Variants in RYR3 observed in about 807,000 individuals in gnomAD.
RYR3 encodes the protein ryanodine receptor 3, also known as brain ryanodine receptor-calcium release channel.
Under a neutral mutation model 584.3 loss-of-function variants are expected in RYR3, and 207 were observed. The observed-to-expected ratio is 0.35, with a 90% CI of 0.32 to 0.40. The LOEUF (loss-of-function observed/expected upper bound fraction) is 0.40. RYR3 is among the 10% of genes least tolerant of loss of function. The pLI is 1.00. For synonymous variants in RYR3, 2,416 were observed against 2,248.5 expected, an observed-to-expected ratio of 1.07 and a Z score of -2.11; for missense variants, 5,616 against 6,089.2, an observed-to-expected ratio of 0.92 and a Z score of 2.59.
At chr15:33,664,589 G>GTGTATGTATATATATATA (rs577496539) in intron 36 of RYR3, among the ~76,000 whole-genome samples, 2 of 91,354 alleles carry the variant, frequency 2.2e-5, no homozygotes, top group African/African-American at 8.8e-5. Context: ...GTGTGTGTGT[G>GTGTATGTATATATATATA]TATATATATA....
At chr15:33,645,531 T>C (rs1475085163) in intron 28 of RYR3, among the ~76,000 whole-genome samples, 2 of 152,162 alleles carry the variant, frequency 1.3e-5, no homozygotes, top group Non-Finnish European at 2.9e-5. Flanking sequence ...ACCGTTACTT[T>C]AGAAAAGTGA....
intron 96 of RYR3, 55 bp downstream of exon 96, chr15:33,853,737 CTT>C: frequency 1.3e-6 from 2 of 1,570,900 alleles, no homozygotes; most frequent in Non-Finnish European, 1.7e-6. Context: ...TAGATCTTTG[CTT>C]TTCCATAGGA....
At chr15:33,806,723 C>T (rs116673690) in intron 69 of RYR3, among the ~76,000 whole-genome samples, 2,874 of 151,514 alleles carry the variant, frequency 0.019, 106 homozygotes, top group African/African-American at 0.066. Flanking sequence ...TTGGATATTC[C>T]TAGAGTACTT....
intron 93 of RYR3, among the ~76,000 whole-genome samples, chr15:33,845,976 C>A (rs536760723): frequency 6.6e-6 from 1 of 152,196 alleles, no homozygotes; most frequent in Non-Finnish European, 1.5e-5. Flanking sequence ...CAGCCATCTG[C>A]GAGCTCAGCT....
intron 36 of RYR3, 102 bp from the exon 37 acceptor site, chr15:33,669,252 A>T (rs118116960): frequency 5.0e-5 from 40 of 795,720 alleles, no homozygotes; most frequent in Non-Finnish European, 7.3e-5. Flanking sequence ...TCACTAAGTA[A>T]AATAAATTTG....
In RYR3 at chr15:33,439,793, T is replaced by C. The variant is rs192044544; in HGVS notation, c.52-33626T>C. 2.2e-3 allele frequency among the ~76,000 whole-genome samples: 328 copies of C among 152,316 alleles called. 1 individual carries two copies. Among genetic ancestry groups the C allele is most frequent in the African/African-American group, 7.6e-3 (317 of 41,582 alleles). ...CATATGAAGTACTTAGCTCATTGAC[T>C]AACATATGGCAAATATACACAAAAA... On this transcript the variant is annotated intron_variant, in intron 1 of 103. Transcript: ENST00000634891.
chr15:33,459,508 G>A (rs992176970), intron 1 of RYR3, among the ~76,000 whole-genome samples: 2 of 152,134 alleles, frequency 1.3e-5, no homozygotes, highest in Admixed American at 1.3e-4. Flanking sequence ...TAAGACTGGT[G>A]TAAGAGCACA....
chr15:33,841,760 A>AC, intron 90 of RYR3, 104 bp from the exon 91 acceptor site: 3 of 1,162,156 alleles, frequency 2.6e-6, no homozygotes, highest in Non-Finnish European at 3.6e-6. Flanking sequence ...GAATGATTCT[A>AC]CCTCCCGGCC....
chr15:33,788,586 TCTC>T lies in RYR3; in HGVS notation c.9830+131_9830+133del, dbSNP rs368367200. On this transcript the variant is annotated intron_variant, in intron 67 of 103. Coordinates refer to ENST00000634891, the MANE Select transcript of RYR3 (RefSeq NM_001036.6). ...AGGAGGCGATAGCCGCCCCCACCAT[TCTC>T]CTTCCCAACACCAATGGTTCCTGCT... The T allele has an allele frequency of 1.1e-3, 1,074 of 1,021,722 alleles. 6 individuals carry two copies. In the African/African-American group the frequency reaches 0.015, roughly 15 times the overall value. 63.3% of individuals were successfully genotyped at this position (1,021,722 alleles called of 1,614,324 possible).
chr15:33,376,886 C>G (rs1350240075), intron 1 of RYR3, among the ~76,000 whole-genome samples: 1 of 152,194 alleles, frequency 6.6e-6, no homozygotes, highest in Non-Finnish European at 1.5e-5. Flanking sequence ...TTTTTCCTAT[C>G]TTTATTGAAT....
intron 94 of RYR3, chr15:33,850,084 A>C (rs527980826): frequency 1.3e-5 from 2 of 152,344 alleles, no homozygotes; most frequent in South Asian, 2.1e-4. Context: ...CCCAGTAAGA[A>C]GGCAGTTCAA....
At chr15:33,702,990 C>T (rs1488104857) in intron 42 of RYR3, among the ~76,000 whole-genome samples, 5 of 152,048 alleles carry the variant, frequency 3.3e-5, no homozygotes, top group African/African-American at 7.2e-5. Context: ...CTTGATTAAA[C>T]GATTGTGGCA....
intron 1 of RYR3, among the ~76,000 whole-genome samples, chr15:33,439,806 A>G (rs1007782710): frequency 2.6e-5 from 4 of 152,230 alleles, no homozygotes; most frequent in Non-Finnish European, 1.5e-5. Context: ...CATATGGCAA[A>G]TATACACAAA....
intron 48 of RYR3, among the ~76,000 whole-genome samples, chr15:33,734,951 G>A (rs1432368899): frequency 1.3e-5 from 2 of 151,810 alleles, no homozygotes; most frequent in Non-Finnish European, 1.5e-5. Context: ...TTGATCTCTC[G>A]AAGTGCTGAG....
chr15:33,349,057 T>C (rs989912291), intron 1 of RYR3, among the ~76,000 whole-genome samples: 2 of 151,718 alleles, frequency 1.3e-5, no homozygotes, highest in African/African-American at 4.8e-5. Flanking sequence ...TGCTTAGCAA[T>C]ATGCACTTAA....
At chr15:33,558,871 G>C (rs1016061294) in intron 10 of RYR3, among the ~76,000 whole-genome samples, 1 of 152,218 alleles carries the variant, frequency 6.6e-6, no homozygotes, top group East Asian at 1.9e-4. Flanking sequence ...GGGCCACATA[G>C]AGAAGTGCCA....
chr15:33,749,630 C>T (rs1261293350), intron 55 of RYR3, among the ~76,000 whole-genome samples: 1 of 152,192 alleles, frequency 6.6e-6, no homozygotes, highest in East Asian at 1.9e-4. Context: ...GCACTCCCAA[C>T]TCCCCGTCTG....
chr15:33,502,893 T>C (rs1213831507), intron 2 of RYR3, among the ~76,000 whole-genome samples: 1 of 152,194 alleles, frequency 6.6e-6, no homozygotes, highest in Non-Finnish European at 1.5e-5. Flanking sequence ...GAAGATTAAA[T>C]GAGTTAACCT....
At chr15:33,332,795 T>G (rs1173642913) in intron 1 of RYR3, among the ~76,000 whole-genome samples, 1 of 152,048 alleles carries the variant, frequency 6.6e-6, no homozygotes, top group African/African-American at 2.4e-5. Flanking sequence ...AATATATGTG[T>G]TGTAGCTCAA....
Sources: gnomAD v4.1 joint callset for allele counts (sites outside exome capture counted in the v4.1 genomes callset) on GRCh38, gnomAD v4.1.1 for gene constraint, MANE v1.5 for transcripts, NCBI Gene and HGNC (gene_info 2026-07-23, HGNC 2026-07-21) for gene names.